Variants in NELL1 observed in about 807,000 individuals in gnomAD.
The protein encoded by NELL1 is protein kinase C-binding protein NELL1.
In NELL1, 76 loss-of-function variants were observed where a neutral mutation model predicts 107.4. The ratio of observed to expected loss-of-function variants is 0.71; its 90% confidence interval spans 0.59 to 0.86. The LOEUF is 0.86. NELL1 is among the 40% of genes least tolerant of loss of function. The probability of loss-of-function intolerance (pLI) is 0.00; values close to 1 mark genes in which losing one functional copy is unlikely to be tolerated. For synonymous variants in NELL1, 353 were observed against 341.2 expected, an observed-to-expected ratio of 1.03 and a Z score of -0.38; for missense variants, 1,024 against 1,005.5, an observed-to-expected ratio of 1.02 and a Z score of -0.25.
At chr11:21,222,879 T>G (rs1857794453) in intron 13 of NELL1, among the ~76,000 whole-genome samples, 1 of 152,132 alleles carries the variant, frequency 6.6e-6, no homozygotes, top group Admixed American at 6.5e-5. Context: ...TATTGATTTC[T>G]AGTTTTGTTC....
rs1237241848 is a variant in NELL1 at position 21,374,877 on chromosome 11, C to CTG, written c.1645+3937_1645+3938dup. Among the ~76,000 whole-genome samples the CTG allele has an allele frequency of 3.8e-4, 34 of 89,892 alleles. No individual in the cohort carries two copies. The South Asian group carries it at 5.3e-3, about 14-fold the overall frequency. 59.0% of individuals were successfully genotyped at this position (89,892 alleles called of 152,430 possible). On this transcript the variant is annotated intron_variant, in intron 15 of 19. Coordinates refer to ENST00000357134, the MANE Select transcript of NELL1 (RefSeq NM_006157.5). ...CAGCTACCAGGCTGTGTGGAACTGA[C>CTG]TGTGTGTGTCTGTGTGTGTGTGTGT...
At chr11:21,317,071 A>G (rs1849894999) in intron 14 of NELL1, among the ~76,000 whole-genome samples, 3 of 152,268 alleles carry the variant, frequency 2.0e-5, no homozygotes, top group Admixed American at 1.3e-4. Context: ...TAGTATAAAT[A>G]CTAGAATTGA....
intron 14 of NELL1, among the ~76,000 whole-genome samples, chr11:21,328,906 A>T (rs1002570913): frequency 6.6e-6 from 1 of 152,164 alleles, no homozygotes; most frequent in Non-Finnish European, 1.5e-5. Flanking sequence ...CCCAATGCCC[A>T]TACCTCTATT....
At chr11:20,916,619 C>T (rs1370867401) in intron 5 of NELL1, among the ~76,000 whole-genome samples, 2 of 151,894 alleles carry the variant, frequency 1.3e-5, no homozygotes, top group Non-Finnish European at 2.9e-5. Flanking sequence ...ACCAATTCTG[C>T]ATCGCCTGGG....
chr11:21,370,617 G>A lies in NELL1; in HGVS notation c.1550-236G>A, dbSNP rs188515266. On this transcript the variant is annotated intron_variant, in intron 14 of 19. Coordinates refer to ENST00000357134, the MANE Select transcript of NELL1 (RefSeq NM_006157.5). ...CGGTTACTACTAGCTACCATTTAGC[G>A]CATGCCAGCCCTATGCTAAACATTT... 1.1e-4 allele frequency among the ~76,000 whole-genome samples: 16 copies of A among 152,108 alleles called. 1 individual carries two copies. In the East Asian group the frequency reaches 2.7e-3, roughly 26 times the overall value.
chr11:21,005,031 T>C (rs2134278749), intron 12 of NELL1, among the ~76,000 whole-genome samples: 1 of 152,308 alleles, frequency 6.6e-6, no homozygotes, highest in South Asian at 2.1e-4. Flanking sequence ...TGTCCTGGAA[T>C]AAGAATGTAC....
intron 12 of NELL1, among the ~76,000 whole-genome samples, chr11:20,972,435 C>T (rs1204911005): frequency 6.6e-6 from 1 of 152,042 alleles, no homozygotes; most frequent in Non-Finnish European, 1.5e-5. Flanking sequence ...GTTGAAAGAT[C>T]AGGACTACAG....
chr11:21,188,392 G>A (rs1410211126), intron 13 of NELL1, among the ~76,000 whole-genome samples: 1 of 151,734 alleles, frequency 6.6e-6, no homozygotes, highest in Non-Finnish European at 1.5e-5. Context: ...CTCTGCAAAT[G>A]TGTTTGGCTC....
intron 4 of NELL1, among the ~76,000 whole-genome samples, chr11:20,874,188 C>T (rs1221073694): frequency 6.6e-6 from 1 of 152,220 alleles, no homozygotes; most frequent in African/African-American, 2.4e-5. Flanking sequence ...CTGCCTCAGA[C>T]TCCCGAGTAG....
chr11:20,754,599 G>A (rs561685628), intron 2 of NELL1, among the ~76,000 whole-genome samples: 12 of 152,202 alleles, frequency 7.9e-5, no homozygotes, highest in African/African-American at 2.2e-4. Context: ...TTTTTGCCAA[G>A]GAAGGATGTA....
intron 2 of NELL1, among the ~76,000 whole-genome samples, chr11:20,698,550 A>T (rs1854682406): frequency 6.6e-6 from 1 of 152,240 alleles, no homozygotes; most frequent in Non-Finnish European, 1.5e-5. Context: ...GCCTCTTCAG[A>T]CATTGAATAA....
intron 12 of NELL1, among the ~76,000 whole-genome samples, chr11:21,022,463 A>C (rs1223050247): frequency 1.3e-5 from 2 of 152,172 alleles, no homozygotes; most frequent in African/African-American, 4.8e-5. Flanking sequence ...CAGGTTACAC[A>C]GCTACTAAAT....
chr11:20,977,874 G>T (rs1414281740), intron 12 of NELL1, among the ~76,000 whole-genome samples: 1 of 152,084 alleles, frequency 6.6e-6, no homozygotes, highest in South Asian at 2.1e-4. Flanking sequence ...ACCTTACATG[G>T]TTTTTGCTAT....
intron 12 of NELL1, chr11:21,001,097 A>T (rs1369724084): frequency 6.6e-6 from 1 of 152,182 alleles, no homozygotes; most frequent in African/African-American, 2.4e-5. Flanking sequence ...CACTCATGAA[A>T]AGAGTAGCAT....
At chr11:20,780,944 G>A (rs1856838772) in intron 2 of NELL1, among the ~76,000 whole-genome samples, 1 of 152,190 alleles carries the variant, frequency 6.6e-6, no homozygotes, top group Non-Finnish European at 1.5e-5. Flanking sequence ...TGAAGGGACT[G>A]GATTTTATCC....
intron 12 of NELL1, among the ~76,000 whole-genome samples, chr11:21,052,871 T>C (rs1565034806): frequency 6.6e-6 from 1 of 151,714 alleles, no homozygotes; most frequent in African/African-American, 2.4e-5. Context: ...GAGGTGGAGA[T>C]AAAAGATGAA....
intron 14 of NELL1, among the ~76,000 whole-genome samples, chr11:21,243,227 G>C (rs1038708706): frequency 2.0e-5 from 3 of 152,056 alleles, no homozygotes; most frequent in Non-Finnish European, 4.4e-5. Context: ...AATAATGAAC[G>C]AATCTAAGGT....
chr11:21,018,379 G>T (rs1852618879), intron 12 of NELL1, among the ~76,000 whole-genome samples: 1 of 152,100 alleles, frequency 6.6e-6, no homozygotes, highest in South Asian at 2.1e-4. Context: ...TCCTGTAAGA[G>T]CTGTGCTGCA....
At chr11:21,160,702 G>A (rs960223316) in intron 13 of NELL1, among the ~76,000 whole-genome samples, 7 of 152,064 alleles carry the variant, frequency 4.6e-5, no homozygotes, top group South Asian at 4.1e-4. Flanking sequence ...TTTGAGCAAT[G>A]GATATTCTAT....
Sources: gnomAD v4.1 joint callset for allele counts (sites outside exome capture counted in the v4.1 genomes callset) on GRCh38, gnomAD v4.1.1 for gene constraint, MANE v1.5 for transcripts, NCBI Gene and HGNC (gene_info 2026-07-23, HGNC 2026-07-21) for gene names.